The following ELAVL2 variants were observed in gnomAD, a reference collection of about 807,000 sequenced individuals.
The protein encoded by ELAVL2 is ELAV-like protein 2.
In ELAVL2, 4 loss-of-function variants were observed where a neutral mutation model predicts 34.6. The observed-to-expected ratio is 0.12, with a 90% confidence interval of 0.06 to 0.26. The LOEUF (loss-of-function observed/expected upper bound fraction) is 0.26. Ranked by LOEUF, ELAVL2 falls within the 10% of genes least tolerant of loss-of-function variation. ELAVL2 has a pLI of 1.00. For missense variants in ELAVL2, 432 were observed against 442.8 expected (o/e 0.98, Z 0.22); for synonymous variants, 193 against 154.8 (o/e 1.25, Z -1.83).
chr9:23,773,227 A>G (rs911153805), intron 1 of ELAVL2, among the ~76,000 whole-genome samples: 1 of 152,226 alleles, frequency 6.6e-6, no homozygotes, highest in African/African-American at 2.4e-5. Flanking sequence ...ATGTTTTTCA[A>G]AAAAGTTAAT....
At chr9:23,788,576 T>C (rs2059974300) in intron 1 of ELAVL2, among the ~76,000 whole-genome samples, 1 of 152,206 alleles carries the variant, frequency 6.6e-6, no homozygotes, top group Non-Finnish European at 1.5e-5. Flanking sequence ...AAGTTATGTA[T>C]ATGTGATCTC....
the ELAVL2 span, among the ~76,000 whole-genome samples, chr9:23,834,975 T>A: frequency 4.6e-5 from 7 of 151,962 alleles, no homozygotes; most frequent in African/African-American, 1.7e-4. Flanking sequence ...CCCCAGGAGG[T>A]ATAGAAGGAC....
At chr9:23,765,087 T>G (rs776922266) in intron 1 of ELAVL2, 1 of 1,602,806 alleles carries the variant, frequency 6.2e-7, no homozygotes, top group African/African-American at 1.3e-5. Context: ...CCATGTTAGT[T>G]TGGAGTTGCC....
intron 3 of ELAVL2, among the ~76,000 whole-genome samples, chr9:23,707,403 G>A (rs1346912449): frequency 6.6e-6 from 1 of 152,136 alleles, no homozygotes; most frequent in Non-Finnish European, 1.5e-5. Context: ...CCACAGGAGG[G>A]AGCACCCAAC....
At chr9:23,749,644 C>T (rs1052429982) in intron 2 of ELAVL2, among the ~76,000 whole-genome samples, 2 of 152,042 alleles carry the variant, frequency 1.3e-5, no homozygotes, top group Non-Finnish European at 2.9e-5. Context: ...TTTCTTTTTG[C>T]ATGATGCAAA....
chr9:23,692,486 G>T lies in ELAVL2; in HGVS notation c.*71C>A. 6.9e-7 allele frequency: 1 copy of T among 1,450,498 alleles called. No homozygotes were observed. The highest frequency in any genetic ancestry group is 9.3e-7 in the Non-Finnish European group (1 of 1,078,286). 89.9% of individuals were successfully genotyped at this position (1,450,498 alleles called of 1,614,324 possible). A position where few individuals can be genotyped will look rare whatever the true frequency, so the allele number is the denominator to read the frequency against. ...CTGACTTACAAAGACATTTACTAAT[G>T]TATAAAGTTTCTCTTAACTTGCCTT... On this transcript the variant is annotated 3_prime_UTR_variant, in exon 7 of 7. Transcript: ENST00000397312.
intron 1 of ELAVL2, chr9:23,779,492 C>T: frequency 1.3e-6 from 1 of 785,280 alleles, no homozygotes; most frequent in Non-Finnish European, 1.5e-6. Context: ...CTTCCTTAGA[C>T]TCAGAAACTA....
chr9:23,842,559 ATC>A, the ELAVL2 span, among the ~76,000 whole-genome samples: 1 of 152,054 alleles, frequency 6.6e-6, no homozygotes, highest in African/African-American at 2.4e-5. Flanking sequence ...ATCAATATAT[ATC>A]TCTTTTTTTC....
intron 1 of ELAVL2, chr9:23,783,509 G>A (rs1373963659): frequency 4.1e-6 from 4 of 985,290 alleles, no homozygotes; most frequent in Non-Finnish European, 4.8e-6. Flanking sequence ...AAAGGCATCA[G>A]GAATTCTTGG....
intron 1 of ELAVL2, among the ~76,000 whole-genome samples, chr9:23,820,291 T>C (rs1380694304): frequency 6.6e-6 from 1 of 152,224 alleles, no homozygotes; most frequent in Non-Finnish European, 1.5e-5. Context: ...CTGAGCTAAA[T>C]TTTTATGAAG....
intron 1 of ELAVL2, among the ~76,000 whole-genome samples, chr9:23,808,736 C>T (rs1345647666): frequency 2.6e-5 from 4 of 152,010 alleles, no homozygotes; most frequent in East Asian, 3.9e-4. Context: ...TTCTTTGAGA[C>T]GATAACAGAG....
the ELAVL2 span, among the ~76,000 whole-genome samples, chr9:23,835,204 A>G: frequency 1.9e-4 from 29 of 152,142 alleles, no homozygotes; most frequent in African/African-American, 1.7e-4. Flanking sequence ...GATGAAATCA[A>G]TGAGTCAAAT....
intron 2 of ELAVL2, among the ~76,000 whole-genome samples, chr9:23,759,116 A>C (rs1021685940): frequency 6.6e-6 from 1 of 152,100 alleles, no homozygotes; most frequent in African/African-American, 2.4e-5. Context: ...ATGCACGCAT[A>C]TCCATATTTA....
chr9:23,792,985 G>C (rs2060502456), intron 1 of ELAVL2, among the ~76,000 whole-genome samples: 1 of 151,890 alleles, frequency 6.6e-6, no homozygotes, highest in African/African-American at 2.4e-5. Context: ...CTATGTTGTT[G>C]AGACTGGTCT....
chr9:23,815,162 T>A (rs1362756931), intron 1 of ELAVL2, among the ~76,000 whole-genome samples: 2 of 152,172 alleles, frequency 1.3e-5, no homozygotes, highest in Non-Finnish European at 2.9e-5. Context: ...ACGCGGACTA[T>A]TTTAATATAA....
rs767197833 is a variant in ELAVL2 at position 23,701,489 on chromosome 9, C to G, written c.603G>C (p.Lys201Asn). 6.2e-7 allele frequency: 1 copy of G among 1,613,960 alleles called. No homozygotes were observed. Among genetic ancestry groups the G allele is most frequent in the African/African-American group, 1.3e-5 (1 of 74,898 alleles). Reference protein sequence around the residue: ...PPGATEPITVKFANNPSQKTN... With the variant: ...PPGATEPITVNFANNPSQKTN... Reference sequence around the variant, plus strand: ...TTTTTTGGCTTGGGTTATTAGCAAACTTTACAGTGATTGGCTCCGTGGCAC... The same window carrying G: ...TTTTTTGGCTTGGGTTATTAGCAAAGTTTACAGTGATTGGCTCCGTGGCAC... The change falls in exon 5 of 7, where the codon AAG (lysine) becomes AAC (asparagine). Residue 201 changes from lysine to asparagine, a missense_variant. Physicochemically the swap from Lys to Asn is moderately conservative, Grantham distance 94 (BLOSUM62 0). Coordinates refer to ENST00000397312, the MANE Select transcript of ELAVL2 (RefSeq NM_004432.5).
chr9:23,776,911 C>A (rs897669322), intron 1 of ELAVL2, among the ~76,000 whole-genome samples: 1 of 152,084 alleles, frequency 6.6e-6, no homozygotes, highest in African/African-American at 2.4e-5. Flanking sequence ...TGATACTGAA[C>A]ATTAAAGTGG....
Position 23,783,448 on chromosome 9 carries a change from C to G in ELAVL2, c.-15-21199G>C, listed in dbSNP as rs1290545052. 17 of 985,370 alleles carry G rather than the reference C, an allele frequency of 1.7e-5. No individual in the cohort carries two copies. The East Asian group carries it at 1.5e-3, about 86-fold the overall frequency. The allele number at this position is 985,370 out of a possible 1,614,324, so 61.0% of individuals were successfully genotyped here. On this transcript the variant is annotated intron_variant, in intron 1 of 6. Transcript: ENST00000397312. ...GAAAAACTGGTACAATTCTGCACAACTACAAAGTGGCCATGCACTAACCTG... is the reference window on the plus strand; with the variant it reads ...GAAAAACTGGTACAATTCTGCACAAGTACAAAGTGGCCATGCACTAACCTG...
intron 3 of ELAVL2, among the ~76,000 whole-genome samples, chr9:23,713,939 G>T (rs1249620686): frequency 6.6e-6 from 1 of 152,066 alleles, no homozygotes; most frequent in Non-Finnish European, 1.5e-5. Flanking sequence ...ATTTCCTTAG[G>T]TCTTCTATCT....
Sources: gnomAD v4.1 joint callset for allele counts (sites outside exome capture counted in the v4.1 genomes callset) on GRCh38, gnomAD v4.1.1 for gene constraint, MANE v1.5 for transcripts, NCBI Gene and HGNC (gene_info 2026-07-23, HGNC 2026-07-21) for gene names.